Variants in SLC16A7 observed in about 807,000 individuals in gnomAD.
SLC16A7 encodes monocarboxylate transporter 2.
Under a neutral mutation model 34.9 loss-of-function variants are expected in SLC16A7, and 33 were observed. The ratio of observed to expected loss-of-function variants is 0.94; its 90% CI spans 0.72 to 1.26. The LOEUF is 1.26. Ranked by LOEUF, SLC16A7 falls within the 50% of genes most tolerant of loss-of-function variation. The pLI is 0.00. For synonymous variants in SLC16A7, 201 were observed against 206.6 expected (o/e 0.97, Z 0.23); for missense variants, 573 against 578.1 (o/e 0.99, Z 0.09).
intron 2 of SLC16A7, among the ~76,000 whole-genome samples, chr12:59,684,549 T>A (rs1871001433): frequency 6.6e-6 from 1 of 152,094 alleles, no homozygotes; most frequent in South Asian, 2.1e-4. Flanking sequence ...AAAAACATAG[T>A]GTCTCTGGTG....
Position 59,741,391 on chromosome 12 carries a change from C to G in SLC16A7, c.218-29828C>G, listed in dbSNP as rs188556433. Among the ~76,000 whole-genome samples, 173 of 152,262 alleles carry G rather than the reference C, an allele frequency of 1.1e-3. No individual in the cohort carries two copies. In the Middle Eastern group the frequency reaches 0.014, roughly 12 times the overall value. The stretch of plus-strand genomic sequence containing the variant: ...GGAGGAACAAACTTTTCACAGCTGT[C>G]CTGGACAGATGCCAGAAATTTCCCC... On this transcript the variant is annotated intron_variant, in intron 3 of 5. Transcript: ENST00000547379.
chr12:59,688,126 ACATTCT>A (rs1377013246), intron 2 of SLC16A7, among the ~76,000 whole-genome samples: 3 of 152,152 alleles, frequency 2.0e-5, no homozygotes, highest in African/African-American at 7.2e-5. Flanking sequence ...TGGATAGTTA[ACATTCT>A]GTGGGTTCCA....
intron 2 of SLC16A7, among the ~76,000 whole-genome samples, chr12:59,686,635 AGTACC>A (rs1052586189): frequency 3.3e-5 from 5 of 152,162 alleles, no homozygotes; most frequent in Admixed American, 6.6e-5. Context: ...TACAAATAAT[AGTACC>A]ATCGGTTCTT....
intron 2 of SLC16A7, among the ~76,000 whole-genome samples, chr12:59,676,986 A>G (rs1870364478): frequency 6.6e-6 from 1 of 152,294 alleles, no homozygotes; most frequent in Middle Eastern, 3.4e-3. Flanking sequence ...TTCCTGTTTC[A>G]TCTGCACCCT....
chr12:59,756,706 C>T (rs1230236318), intron 3 of SLC16A7, among the ~76,000 whole-genome samples: 1 of 138,308 alleles, frequency 7.2e-6, no homozygotes, highest in Non-Finnish European at 1.5e-5. Context: ...GGCGATTCCT[C>T]AGGGATCTAG....
intron 5 of SLC16A7, 41 bp from the exon 6 acceptor site, chr12:59,779,382 G>A (rs1365057847): frequency 1.4e-6 from 2 of 1,466,582 alleles, no homozygotes; most frequent in Non-Finnish European, 1.9e-6. Flanking sequence ...TTATATGACT[G>A]TTTTATTATG....
chr12:59,685,692 G>T (rs745379042), intron 2 of SLC16A7, among the ~76,000 whole-genome samples: 5 of 151,900 alleles, frequency 3.3e-5, no homozygotes, highest in Non-Finnish European at 7.4e-5. Context: ...AACATACATA[G>T]TTTATGAATT....
chr12:59,619,864 C>T (rs1266067200), intron 1 of SLC16A7, among the ~76,000 whole-genome samples: 3 of 152,022 alleles, frequency 2.0e-5, no homozygotes, highest in Non-Finnish European at 4.4e-5. Flanking sequence ...ACATGTGTCA[C>T]CTTTTTTAAT....
In SLC16A7 at chr12:59,602,104, T is replaced by C. The variant is rs528389103; in HGVS notation, c.-130+5868T>C. Among the ~76,000 whole-genome samples, 6 of 152,338 alleles carry C rather than the reference T, an allele frequency of 3.9e-5. No individual in the cohort carries two copies. In the South Asian group the frequency reaches 1.2e-3, roughly 32 times the overall value. On this transcript the variant is annotated intron_variant, in intron 1 of 5. Transcript: ENST00000547379. The stretch of plus-strand genomic sequence containing the variant: ...AGCCAATAAGATCAAATTGAGATTG[T>C]TTAAACAATTTATTTGGGATCAGAG...
At chr12:59,689,183 G>A (rs1190635833) in intron 2 of SLC16A7, among the ~76,000 whole-genome samples, 1 of 151,950 alleles carries the variant, frequency 6.6e-6, no homozygotes, top group Non-Finnish European at 1.5e-5. Flanking sequence ...AGTTTATCAA[G>A]TGAATGACAG....
At chr12:59,665,764 CAT>C (rs1358723273) in intron 2 of SLC16A7, among the ~76,000 whole-genome samples, 4 of 151,528 alleles carry the variant, frequency 2.6e-5, no homozygotes, top group Non-Finnish European at 4.4e-5. Flanking sequence ...CACACACACA[CAT>C]ATATGTAACT....
intron 4 of SLC16A7, 63 bp downstream of exon 4, chr12:59,771,425 G>A (rs865774864): frequency 6.1e-6 from 7 of 1,145,858 alleles, no homozygotes; most frequent in Middle Eastern, 4.2e-4. Context: ...TCTATGAGAA[G>A]AATGAACAAC....
intron 3 of SLC16A7, among the ~76,000 whole-genome samples, chr12:59,759,958 C>T (rs1343317915): frequency 1.5e-5 from 2 of 133,796 alleles, no homozygotes; most frequent in Non-Finnish European, 3.3e-5. Context: ...GGCCTCTGAT[C>T]TTCATGGCCA....
chr12:59,695,114 G>C lies in SLC16A7; in HGVS notation c.-30-9658G>C, dbSNP rs374172712. ...AATTTTTTTTTCTATTTTCTTGGAGGGCTGCCACATGGAGCCTGTATAAAT... is the reference window on the plus strand; with the variant it reads ...AATTTTTTTTTCTATTTTCTTGGAGCGCTGCCACATGGAGCCTGTATAAAT... On this transcript the variant is annotated intron_variant, in intron 2 of 5. Transcript: ENST00000547379. Among the ~76,000 whole-genome samples, 33 of 151,610 alleles carry C rather than the reference G, an allele frequency of 2.2e-4. No homozygotes were observed. The East Asian group carries it at 3.5e-3, about 16-fold the overall frequency.
chr12:59,611,446 CAT>C, intron 1 of SLC16A7, among the ~76,000 whole-genome samples: 1 of 152,292 alleles, frequency 6.6e-6, no homozygotes, highest in Non-Finnish European at 1.5e-5. Context: ...CCTAACATGA[CAT>C]GTGGGGGATT....
chr12:59,755,947 A>C (rs1417697410), intron 3 of SLC16A7, among the ~76,000 whole-genome samples: 1 of 152,184 alleles, frequency 6.6e-6, no homozygotes, highest in African/African-American at 2.4e-5. Flanking sequence ...CTCAGAAATA[A>C]CGCTGCATAT....
intron 1 of SLC16A7, among the ~76,000 whole-genome samples, chr12:59,613,586 G>T (rs1879301468): frequency 1.3e-5 from 2 of 152,146 alleles, no homozygotes; most frequent in South Asian, 4.1e-4. Context: ...CCATGCATTG[G>T]CAACAAAATA....
In SLC16A7 at chr12:59,779,752, G is replaced by GTATT. The variant is rs1883106639; in HGVS notation, c.*74_*77dup. ...TTGTTTTTCATTTTGTTTTTTTAAAGTATTAGAAAAGGTTTTAGCTGAAAT... is the reference window on the plus strand; with the variant it reads ...TTGTTTTTCATTTTGTTTTTTTAAAGTATTTATTAGAAAAGGTTTTAGCTGAAAT... On this transcript the variant is annotated 3_prime_UTR_variant, in exon 6 of 6. Coordinates refer to ENST00000547379, the MANE Select transcript of SLC16A7 (RefSeq NM_001270623.2). 3 of 1,276,092 alleles carry GTATT rather than the reference G, an allele frequency of 2.4e-6. No homozygotes were observed. Among genetic ancestry groups the GTATT allele is most frequent in the South Asian group, 3.1e-5 (2 of 64,306 alleles). The allele number at this position is 1,276,092 out of a possible 1,614,324, so 79.0% of individuals were successfully genotyped here.
chr12:59,695,680 C>A (rs905857379), intron 2 of SLC16A7, among the ~76,000 whole-genome samples: 1 of 152,004 alleles, frequency 6.6e-6, no homozygotes, highest in Non-Finnish European at 1.5e-5. Flanking sequence ...ATAGGTGGCC[C>A]TGGATATAAG....
Sources: allele counts gnomAD v4.1 joint callset (sites outside exome capture counted in the v4.1 genomes callset), GRCh38; gene constraint gnomAD v4.1.1; transcripts MANE v1.5; gene names NCBI Gene and HGNC (gene_info 2026-07-23, HGNC 2026-07-21).